Variants in DIAPH2 observed in about 807,000 individuals in gnomAD.
The protein encoded by DIAPH2 is protein diaphanous homolog 2.
In DIAPH2, 35 loss-of-function variants were observed where a neutral mutation model predicts 92.7. The ratio of observed to expected loss-of-function variants is 0.38; its 90% CI spans 0.29 to 0.50. DIAPH2 has a LOEUF of 0.50. Among genes scored for constraint, DIAPH2 ranks in the 20% least tolerant of loss-of-function variants. The probability of loss-of-function intolerance (pLI) is 0.94; values close to 1 mark genes in which losing one functional copy is unlikely to be tolerated. For synonymous variants in DIAPH2, 301 were observed against 280.4 expected, an observed-to-expected ratio of 1.07 and a Z score of -0.73; for missense variants, 701 against 819.5, an observed-to-expected ratio of 0.86 and a Z score of 1.77.
At chrX:96,727,634 T>C (rs1029545199) in intron 1 of DIAPH2, among the ~76,000 whole-genome samples, 34 of 112,239 alleles carry the variant, frequency 3.0e-4, no homozygotes, top group African/African-American at 1.0e-3. Context: ...ATTTCTTCTC[T>C]GAATTCTTAT....
intron 26 of DIAPH2, among the ~76,000 whole-genome samples, chrX:97,436,271 A>G (rs903190202): frequency 8.9e-6 from 1 of 111,877 alleles, no homozygotes; most frequent in Non-Finnish European, 1.9e-5. Flanking sequence ...GTGGATATCT[A>G]ACTTAGCATT....
At chrX:97,455,389 AAT>A (rs1486397773) in intron 26 of DIAPH2, among the ~76,000 whole-genome samples, 1 of 112,123 alleles carries the variant, frequency 8.9e-6, no homozygotes, top group Non-Finnish European at 1.9e-5. Flanking sequence ...TATATGTTAA[AAT>A]ATATCTTTTT....
intron 3 of DIAPH2, among the ~76,000 whole-genome samples, chrX:96,748,844 G>A (rs189400859): frequency 2.1e-4 from 23 of 110,927 alleles, no homozygotes; most frequent in Non-Finnish European, 4.2e-4. Context: ...ACTAAGAATG[G>A]TTTTATATTT....
At position 97,590,892 on chromosome X, in the gene DIAPH2, A is replaced by T. The variant is rs1359138252; in HGVS notation, c.3242-8361A>T. ...GTAAATGCTTCAAGACTGTTTTTTT[A>T]AAAAAATAGAATTAAAATTAAAATT... On this transcript the variant is annotated intron_variant, in intron 26 of 26. Transcript: ENST00000324765. 4.5e-5 allele frequency among the ~76,000 whole-genome samples: 5 copies of T among 112,153 alleles called. No individual in the cohort carries two copies. The East Asian group carries it at 8.3e-4, about 19-fold the overall frequency.
At chrX:96,946,226 C>T (rs932158812) in intron 14 of DIAPH2, among the ~76,000 whole-genome samples, 1 of 111,525 alleles carries the variant, frequency 9.0e-6, no homozygotes, top group African/African-American at 3.3e-5. Flanking sequence ...CAGATCTAAG[C>T]TTGTCTTTTC....
At chrX:96,886,478 G>A (rs184753730) in intron 5 of DIAPH2, among the ~76,000 whole-genome samples, 1,596 of 110,929 alleles carry the variant, frequency 0.014, 12 homozygotes, top group Middle Eastern at 0.023. Context: ...GTGGCCATTA[G>A]AAAAACCACT....
At chrX:97,031,358 G>C (rs1430730192) in intron 17 of DIAPH2, among the ~76,000 whole-genome samples, 1 of 90,617 alleles carries the variant, frequency 1.1e-5, no homozygotes, top group Non-Finnish European at 2.2e-5. Flanking sequence ...GGGAGGGGGG[G>C]GGACATCCTA....
chrX:96,954,936 T>C (rs2065800588), intron 15 of DIAPH2, among the ~76,000 whole-genome samples: 1 of 112,783 alleles, frequency 8.9e-6, no homozygotes, highest in African/African-American at 3.2e-5. Context: ...GTATTTATTA[T>C]CCCATATTCA....
intron 21 of DIAPH2, among the ~76,000 whole-genome samples, chrX:97,132,607 G>T (rs931395485): frequency 1.8e-5 from 2 of 111,821 alleles, no homozygotes; most frequent in Non-Finnish European, 3.8e-5. Flanking sequence ...GCTGTATCAA[G>T]ACTGACAAGC....
chrX:96,796,394 G>A (rs1273364295), intron 4 of DIAPH2, among the ~76,000 whole-genome samples: 1 of 111,339 alleles, frequency 9.0e-6, no homozygotes, highest in African/African-American at 3.3e-5. Flanking sequence ...TGGCTGGAAT[G>A]GTCTCAAACT....
Position 97,072,980 on chromosome X carries a change from G to A in DIAPH2, c.2090G>A (p.Gly697Glu). 1 of 1,202,963 alleles carries A rather than the reference G, an allele frequency of 8.3e-7. No individual in the cohort carries two copies. The highest frequency in any genetic ancestry group is 1.1e-6 in the Non-Finnish European group (1 of 892,411). The change falls in exon 18 of 27, where the codon GGG becomes GAG. Residue 697 changes from glycine to glutamate, a missense_variant. This residue lies in a region of DIAPH2 where 536 missense variants were observed against 599.3 expected (regional missense o/e 0.89). Coordinates refer to ENST00000324765, the MANE Select transcript of DIAPH2 (RefSeq NM_006729.5). ...GAAGCATTAGAAGAAAAGAAGACTG[G>A]GCCTACAAAGAAGAAAGTGAAAGAA... Reference protein sequence around the residue: ...NAEALEEKKTGPTKKKVKELR... With the variant: ...NAEALEEKKTEPTKKKVKELR...
chrX:97,141,657 T>G lies in DIAPH2; in HGVS notation c.2590-8T>G. ...ATTACTAAAAAATGTGTTGTTGTTTTCTCCCAGATCAGAGATACTAAATCA... is the reference window on the plus strand; with the variant it reads ...ATTACTAAAAAATGTGTTGTTGTTTGCTCCCAGATCAGAGATACTAAATCA... On this transcript the variant is annotated splice_polypyrimidine_tract_variant and splice_region_variant and intron_variant, in intron 21 of 26. Coordinates refer to ENST00000324765, the MANE Select transcript of DIAPH2 (RefSeq NM_006729.5). The G allele has an allele frequency of 8.5e-7, 1 of 1,179,909 alleles. No homozygotes were observed. The highest frequency in any genetic ancestry group is 1.9e-5 in the South Asian group (1 of 51,794).
chrX:97,116,404 T>G (rs910575937), intron 21 of DIAPH2, among the ~76,000 whole-genome samples: 2 of 112,127 alleles, frequency 1.8e-5, no homozygotes, highest in Non-Finnish European at 1.9e-5. Flanking sequence ...CTTGTGATAT[T>G]TGGGGACATG....
intron 17 of DIAPH2, among the ~76,000 whole-genome samples, chrX:97,069,234 A>T (rs1351750224): frequency 1.4e-4 from 16 of 111,367 alleles, no homozygotes; most frequent in Non-Finnish European, 3.0e-4. Context: ...AAGTGTTGAG[A>T]TTACACCCAG....
chrX:97,557,862 A>G (rs1180612308), intron 26 of DIAPH2, among the ~76,000 whole-genome samples: 1 of 112,136 alleles, frequency 8.9e-6, no homozygotes, highest in Non-Finnish European at 1.9e-5. Flanking sequence ...TATAATTGGC[A>G]TATCAACTGT....
chrX:97,223,561 TAA>T (rs1288786960), intron 22 of DIAPH2, among the ~76,000 whole-genome samples: 1 of 111,951 alleles, frequency 8.9e-6, no homozygotes, highest in Non-Finnish European at 1.9e-5. Flanking sequence ...TAATTGAATA[TAA>T]GTCAAAATAT....
rs188165753 is a variant in DIAPH2 at position 97,232,039 on chromosome X, G to A, written c.2720-15676G>A. Among the ~76,000 whole-genome samples the A allele has an allele frequency of 4.5e-5, 5 of 110,695 alleles. No homozygotes were observed. The East Asian group carries it at 8.6e-4, about 19-fold the overall frequency. On this transcript the variant is annotated intron_variant, in intron 22 of 26. Coordinates refer to ENST00000324765, the MANE Select transcript of DIAPH2 (RefSeq NM_006729.5). The stretch of plus-strand genomic sequence containing the variant: ...TCCTTAGCCTTGATTTGGTCATCAC[G>A]AGTTATTCTCTCCATTTCAGCTTCC...
intron 26 of DIAPH2, among the ~76,000 whole-genome samples, chrX:97,538,404 A>G (rs1210431323): frequency 2.7e-5 from 3 of 111,761 alleles, no homozygotes; most frequent in Non-Finnish European, 5.6e-5. Flanking sequence ...AATAAAATCT[A>G]GAATTTTCTC....
intron 17 of DIAPH2, among the ~76,000 whole-genome samples, chrX:97,041,605 C>T (rs1050991044): frequency 3.6e-5 from 4 of 111,140 alleles, no homozygotes; most frequent in African/African-American, 1.3e-4. Context: ...AATGAATTTC[C>T]CATTGTAAAC....
Sources: gnomAD v4.1 joint callset for allele counts (sites outside exome capture counted in the v4.1 genomes callset) on GRCh38, gnomAD v4.1.1 for gene constraint, gnomAD v4.1.1 regional missense constraint, MANE v1.5 for transcripts, NCBI Gene and HGNC (gene_info 2026-07-23, HGNC 2026-07-21) for gene names.